Variants in RBFOX1 observed in about 807,000 individuals in gnomAD.
RBFOX1 encodes RNA binding fox-1 homolog 1.
Under a neutral mutation model 57.7 loss-of-function variants are expected in RBFOX1, and 8 were observed. The observed-to-expected ratio is 0.14, with a 90% CI of 0.08 to 0.25. The LOEUF (loss-of-function observed/expected upper bound fraction) is 0.25. Among genes scored for constraint, RBFOX1 ranks in the 10% least tolerant of loss-of-function variants. RBFOX1 has a pLI of 1.00. For synonymous variants in RBFOX1, 326 were observed against 222.4 expected, an observed-to-expected ratio of 1.47 and a Z score of -4.15; for missense variants, 611 against 548.5, an observed-to-expected ratio of 1.11 and a Z score of -1.14.
intron 4 of RBFOX1, among the ~76,000 whole-genome samples, chr16:7,368,640 C>A (rs574149840): frequency 2.6e-5 from 4 of 151,848 alleles, no homozygotes; most frequent in Non-Finnish European, 5.9e-5. Flanking sequence ...ATTAGCCAGG[C>A]GTGGTGGCGG....
chr16:5,592,065 TATG>T (rs1567269883), intron 2 of RBFOX1, among the ~76,000 whole-genome samples: 1 of 152,230 alleles, frequency 6.6e-6, no homozygotes, highest in Admixed American at 6.5e-5. Context: ...TTTCTTTTAT[TATG>T]GTTGAAGTTT....
intron 4 of RBFOX1, among the ~76,000 whole-genome samples, chr16:7,052,664 C>G (rs772941598): frequency 7.9e-5 from 12 of 152,270 alleles, no homozygotes; most frequent in Middle Eastern, 3.4e-3. Context: ...TCAGGCATAT[C>G]GGTGTAAGAA....
At chr16:7,701,019 A>C (rs1451445229) in intron 14 of RBFOX1, among the ~76,000 whole-genome samples, 2 of 152,162 alleles carry the variant, frequency 1.3e-5, no homozygotes, top group African/African-American at 4.8e-5. Flanking sequence ...GTGGCTTCTC[A>C]TGTAGGGTCT....
intron 4 of RBFOX1, among the ~76,000 whole-genome samples, chr16:7,193,894 C>G (rs1457790396): frequency 1.3e-5 from 2 of 151,462 alleles, no homozygotes; most frequent in African/African-American, 4.8e-5. Context: ...GGAGAGTTGA[C>G]TGGAAGGATA....
At chr16:5,576,899 T>C (rs1055211031) in intron 2 of RBFOX1, among the ~76,000 whole-genome samples, 1 of 152,242 alleles carries the variant, frequency 6.6e-6, no homozygotes. Context: ...TGAGGAGTTA[T>C]TAAGTTCTCA....
chr16:7,212,786 A>G (rs752362596), intron 4 of RBFOX1, among the ~76,000 whole-genome samples: 11 of 152,220 alleles, frequency 7.2e-5, no homozygotes, highest in African/African-American at 1.2e-4. Flanking sequence ...ATGTATACCT[A>G]TGTAACAAAC....
chr16:6,895,741 C>G (rs1203922389), intron 3 of RBFOX1, among the ~76,000 whole-genome samples: 1 of 151,846 alleles, frequency 6.6e-6, no homozygotes, highest in Non-Finnish European at 1.5e-5. Context: ...TGGACTACAT[C>G]TCAACAGTGA....
intron 3 of RBFOX1, among the ~76,000 whole-genome samples, chr16:5,607,639 G>A (rs12935306): frequency 0.24 from 36,248 of 152,004 alleles, 6,115 homozygotes; most frequent in African/African-American, 0.46. Flanking sequence ...CTTGAAATGA[G>A]TGAATGAAAG....
chr16:7,417,528 TTGTGTGTGTGTGTGTG>T (rs545621108), intron 4 of RBFOX1, among the ~76,000 whole-genome samples: 1 of 68,388 alleles, frequency 1.5e-5, no homozygotes, highest in Non-Finnish European at 3.3e-5. Flanking sequence ...TCACATGGTA[TTGTGTGTGTGTGTGTG>T]TGTGTGTGTG....
At chr16:6,445,330 CT>C (rs1216454001) in intron 2 of RBFOX1, among the ~76,000 whole-genome samples, 1 of 151,950 alleles carries the variant, frequency 6.6e-6, no homozygotes, top group African/African-American at 2.4e-5. Context: ...TGAAGATTTT[CT>C]TTTAGAGACT....
At chr16:7,134,973 T>C (rs1386998347) in intron 4 of RBFOX1, among the ~76,000 whole-genome samples, 1 of 151,910 alleles carries the variant, frequency 6.6e-6, no homozygotes, top group African/African-American at 2.4e-5. Flanking sequence ...GAGAGAGAGA[T>C]GAATTATCCA....
At position 7,518,257 on chromosome 16, in the gene RBFOX1, C is replaced by G. The variant is rs1315127050; in HGVS notation, c.138C>G (p.Pro46=). 11 of 1,614,130 alleles carry G rather than the reference C, an allele frequency of 6.8e-6. No individual in the cohort carries two copies. Among genetic ancestry groups the G allele is most frequent in the East Asian group, 2.2e-5 (1 of 44,862 alleles). ...CCGCGGAATACACGGCCCCTCATCC[C>G]CACCCCGCGCCAGAGTACACAGGCC... ...GIPAEYTAPH[P]HPAPEYTGQT... is the part of the protein sequence containing the mutation. Residue 46 remains proline, a synonymous_variant, in exon 5 of 16, where the codon CCC becomes CCG. Coordinates refer to ENST00000550418, the MANE Select transcript of RBFOX1 (RefSeq NM_018723.4).
intron 1 of RBFOX1, among the ~76,000 whole-genome samples, chr16:6,072,087 A>G (rs1490947573): frequency 6.6e-6 from 1 of 152,176 alleles, no homozygotes; most frequent in Non-Finnish European, 1.5e-5. Context: ...AGACCTCACA[A>G]TCATGGCTGA....
intron 2 of RBFOX1, among the ~76,000 whole-genome samples, chr16:6,617,520 C>T (rs150265967): frequency 6.6e-6 from 1 of 152,032 alleles, no homozygotes; most frequent in East Asian, 2.0e-4. Flanking sequence ...TCACTGGACC[C>T]TATAGAGATG....
At chr16:5,884,376 G>C (rs1339327873) in intron 4 of RBFOX1, among the ~76,000 whole-genome samples, 4 of 152,056 alleles carry the variant, frequency 2.6e-5, no homozygotes, top group Non-Finnish European at 4.4e-5. Flanking sequence ...TTTCAGCTCT[G>C]TAGGGCTTTG....
In RBFOX1 at chr16:7,577,633, C is replaced by G. The variant is rs549054662; in HGVS notation, c.271-2144C>G. On this transcript the variant is annotated intron_variant, in intron 5 of 15. Transcript: ENST00000550418. The stretch of plus-strand genomic sequence containing the variant: ...TTACCAGTCTCTGGGGATGGTGGCT[C>G]ACGCCTGTAGTCCCAGTGCTTTGGG... 3.9e-5 allele frequency among the ~76,000 whole-genome samples: 6 copies of G among 152,368 alleles called. No homozygotes were observed. The East Asian group carries it at 1.2e-3, about 29-fold the overall frequency.
intron 4 of RBFOX1, among the ~76,000 whole-genome samples, chr16:7,372,290 G>A (rs2097581184): frequency 6.6e-6 from 1 of 152,128 alleles, no homozygotes; most frequent in South Asian, 2.1e-4. Context: ...CATGAGAGCG[G>A]GATCATGTCG....
At chr16:6,071,505 A>ATTTTTGTTTGTCCTGCATT (rs1222761468) in intron 1 of RBFOX1, among the ~76,000 whole-genome samples, 1 of 150,764 alleles carries the variant, frequency 6.6e-6, no homozygotes, top group African/African-American at 2.5e-5. Flanking sequence ...ACAAACCTGC[A>ATTTTTGTTTGTCCTGCATT]TGTGTAGTCC....
In RBFOX1 at chr16:6,479,747, A is replaced by T. The variant is rs140145438; in HGVS notation, c.-64+162690A>T. The stretch of plus-strand genomic sequence containing the variant: ...GGAATTATGGCCTCTTACAGAAAAA[A>T]GTTCACCAATCACCAGTCTAGGCCA... On this transcript the variant is annotated intron_variant, in intron 2 of 15. Coordinates refer to ENST00000550418, the MANE Select transcript of RBFOX1 (RefSeq NM_018723.4). Among the ~76,000 whole-genome samples, 650 of 151,968 alleles carry T rather than the reference A, an allele frequency of 4.3e-3. 4 individuals carry two copies. Among genetic ancestry groups the T allele is most frequent in the African/African-American group, 0.015 (614 of 41,460 alleles).
Sources: gnomAD v4.1 joint callset for allele counts (sites outside exome capture counted in the v4.1 genomes callset) on GRCh38, gnomAD v4.1.1 for gene constraint, MANE v1.5 for transcripts, NCBI Gene and HGNC (gene_info 2026-07-23, HGNC 2026-07-21) for gene names.